AMER3: variants seen among roughly 807,000 people sequenced by gnomAD.
AMER3 encodes APC membrane recruitment protein 3, also known as family with sequence similarity 123C.
For synonymous variants in AMER3, 541 were observed against 485.5 expected, an observed-to-expected ratio of 1.11 and a Z score of -1.50; for missense variants, 1,201 against 1,139.4, an observed-to-expected ratio of 1.05 and a Z score of -0.78.
rs979659922 is a variant in AMER3, at chr2:130,762,233, A to G, written c.161A>G (p.Gln54Arg). ...QQRPHSEKGP[Q>R]ASPSAQEYDR... ...AGGCCCCACAGTGAGAAGGGCCCCC[A>G]AGCCAGCCCCAGTGCCCAAGAATAC... is the stretch of plus-strand genomic sequence containing the variant. Residue 54 changes from glutamine to arginine, a missense_variant, in exon 2 of 2, where the codon CAA (glutamine) becomes CGA (arginine). Gln to Arg is a conservative substitution (Grantham distance 43, BLOSUM62 1). Coordinates refer to ENST00000321420, the MANE Select transcript of AMER3 (RefSeq NM_152698.3). 3.2e-6 allele frequency: 5 copies of G among 1,579,430 alleles called. No homozygotes were observed. The African/African-American group carries it at 6.7e-5, about 21-fold the overall frequency.
In AMER3 at chr2:130,764,800, T is replaced by C; in HGVS notation, c.*142T>C. 9.4e-7 allele frequency: 1 copy of C among 1,059,278 alleles called. No individual in the cohort carries two copies. The allele number at this position is 1,059,278 out of a possible 1,614,324, so 65.6% of individuals were successfully genotyped here. A position where few individuals can be genotyped will look rare whatever the true frequency, so the allele number is the denominator to read the frequency against. ...TGGCAGGACTCAGGCATGCAGAGGGTAGCATGTTCATGTGGAGGCATCCTT... is the reference window on the plus strand; with the variant it reads ...TGGCAGGACTCAGGCATGCAGAGGGCAGCATGTTCATGTGGAGGCATCCTT... On this transcript the variant is annotated 3_prime_UTR_variant, in exon 2 of 2. Transcript: ENST00000321420.
rs776718013 is a variant in AMER3, at chr2:130,763,768, C to G, written c.1696C>G (p.Gln566Glu). The change falls in exon 2 of 2, where the codon CAG becomes GAG. Residue 566 changes from glutamine to glutamate, a missense_variant. Transcript: ENST00000321420. ...GACAGTTTGCTCAGCACCCAGCAGGCAGGAGCTGTGGGCACACCCGGGCAC... is the reference window on the plus strand; with the variant it reads ...GACAGTTTGCTCAGCACCCAGCAGGGAGGAGCTGTGGGCACACCCGGGCAC... ...GATVCSAPSR[Q>E]ELWAHPGTTG... The G allele has an allele frequency of 1.4e-5, 23 of 1,601,236 alleles. No individual in the cohort carries two copies. In the South Asian group the frequency reaches 2.6e-4, roughly 18 times the overall value.
intron 1 of AMER3, chr2:130,756,149 T>A (rs1194944248): frequency 6.8e-6 from 1 of 147,876 alleles, no homozygotes; most frequent in South Asian, 2.1e-4. Context: ...TCGCCACCCC[T>A]GCGCGCCAGC....
chr2:130,757,255 AT>A (rs545236534), intron 1 of AMER3, among the ~76,000 whole-genome samples: 1 of 152,298 alleles, frequency 6.6e-6, no homozygotes, highest in South Asian at 2.1e-4. Context: ...GAATAACTTC[AT>A]TTGCCCAATT....
Position 130,765,015 on chromosome 2 carries a change from A to C in AMER3, c.*357A>C, listed in dbSNP as rs1558970296. The stretch of plus-strand genomic sequence containing the variant: ...CTGGGATGTGTGTGAATCCCAAAAG[A>C]CGCAATCCCAAATGCCATAGTCCCA... On this transcript the variant is annotated 3_prime_UTR_variant, in exon 2 of 2. Coordinates refer to ENST00000321420, the MANE Select transcript of AMER3 (RefSeq NM_152698.3). The C allele has an allele frequency of 4.7e-6, 1 of 212,610 alleles. No individual in the cohort carries two copies. The highest frequency in any genetic ancestry group is 1.6e-4 in the South Asian group (1 of 6,134). The allele number at this position is 212,610 out of a possible 1,614,324, so 13.2% of individuals were successfully genotyped here.
chr2:130,763,736 G>T lies in AMER3; in HGVS notation c.1664G>T (p.Gly555Val), dbSNP rs758629744. 6 of 1,582,778 alleles carry T rather than the reference G, an allele frequency of 3.8e-6. No individual in the cohort carries two copies. Among genetic ancestry groups the T allele is most frequent in the South Asian group, 3.4e-5 (3 of 87,140 alleles). The change falls in exon 2 of 2, where the codon GGG becomes GTG. Residue 555 changes from glycine (G) to valine (V), a missense_variant. Coordinates refer to ENST00000321420, the MANE Select transcript of AMER3 (RefSeq NM_152698.3). Reference protein sequence around the residue: ...GGREGLASDAGGATVCSAPSR... With the variant: ...GGREGLASDAVGATVCSAPSR... ...AGGGAGGGCCTGGCCTCAGATGCAG[G>T]GGGGGCGACAGTTTGCTCAGCACCC...
In AMER3 at chr2:130,763,025, G is replaced by A. The variant is rs200015684; in HGVS notation, c.953G>A (p.Arg318His). The A allele has an allele frequency of 1.0e-4, 167 of 1,613,364 alleles. No individual in the cohort carries two copies. The highest frequency in any genetic ancestry group is 9.8e-4 in the East Asian group (44 of 44,856). The change falls in exon 2 of 2, where the codon CGT becomes CAT. Residue 318 changes from arginine to histidine, a missense_variant. By Grantham distance (29) the Arg-to-His change is conservative. Coordinates refer to ENST00000321420, the MANE Select transcript of AMER3 (RefSeq NM_152698.3). Reference protein sequence around the residue: ...RFWDSVNRSVRQQQRALLGPW... With the variant: ...RFWDSVNRSVHQQQRALLGPW... ...TGGGACAGTGTGAATCGCTCAGTGC[G>A]TCAGCAGCAGCGTGCCCTCCTAGGC...
Position 130,763,377 on chromosome 2 carries a change from C to T in AMER3, c.1305C>T (p.Gly435=), listed in dbSNP as rs777127022. Residue 435 remains glycine, a synonymous_variant, in exon 2 of 2, where the codon GGC becomes GGT. Coordinates refer to ENST00000321420, the MANE Select transcript of AMER3 (RefSeq NM_152698.3). ...LFHDPSEGPL[G]PSPDDDLCVS... ...ACGACCCCAGCGAGGGTCCTCTTGG[C>T]CCCAGCCCAGATGATGACCTGTGCG... The T allele has an allele frequency of 6.2e-7, 1 of 1,613,158 alleles. No individual in the cohort carries two copies. Among genetic ancestry groups the T allele is most frequent in the Non-Finnish European group, 8.5e-7 (1 of 1,180,010 alleles).
chr2:130,756,537 G>GGC (rs1485856326), intron 1 of AMER3, among the ~76,000 whole-genome samples: 1 of 152,136 alleles, frequency 6.6e-6, no homozygotes, highest in East Asian at 1.9e-4. Context: ...AGCGGTTCCC[G>GGC]GCGCAGTCAG....
chr2:130,759,510 A>G (rs1678714351), intron 1 of AMER3, among the ~76,000 whole-genome samples: 1 of 152,262 alleles, frequency 6.6e-6, no homozygotes, highest in South Asian at 2.1e-4. Context: ...CAAAACATAG[A>G]AAAGAATAAG....
Position 130,762,160 on chromosome 2 carries a change from G to C in AMER3, c.88G>C (p.Ala30Pro), listed in dbSNP as rs1678799386. 6.2e-7 allele frequency: 1 copy of C among 1,606,596 alleles called. No individual in the cohort carries two copies. Among genetic ancestry groups the C allele is most frequent in the Non-Finnish European group, 8.5e-7 (1 of 1,176,756 alleles). Residue 30 changes from alanine (A) to proline (P), a missense_variant, in exon 2 of 2, where the codon GCC becomes CCC. Physicochemically the swap from Ala to Pro is conservative, Grantham distance 27. Coordinates refer to ENST00000321420, the MANE Select transcript of AMER3 (RefSeq NM_152698.3). ...KPPDPAAVAA[A>P]REGTGPWSVL... The stretch of plus-strand genomic sequence containing the variant: ...CCCAGACCCAGCAGCCGTGGCTGCA[G>C]CCAGGGAGGGGACAGGCCCCTGGTC...
chr2:130,763,678 G>A lies in AMER3; in HGVS notation c.1606G>A (p.Ala536Thr). Reference sequence around the variant, plus strand: ...TGCAGCTCCACCTGGTTCCCAGGGAGCCCCTAGGGCACCCACAGAGAAGCT... The same window carrying A: ...TGCAGCTCCACCTGGTTCCCAGGGAACCCCTAGGGCACCCACAGAGAAGCT... The part of the protein sequence containing the change: ...QPAAPPGSQG[A>T]PRAPTEKLGG... The change falls in exon 2 of 2, where the codon GCC becomes ACC. Residue 536 changes from alanine (A) to threonine (T), a missense_variant. Coordinates refer to ENST00000321420, the MANE Select transcript of AMER3 (RefSeq NM_152698.3). 1 of 1,527,654 alleles carries A rather than the reference G, an allele frequency of 6.5e-7. No individual in the cohort carries two copies. The highest frequency in any genetic ancestry group is 2.2e-5 in the Admixed American group (1 of 45,818). The allele number at this position is 1,527,654 out of a possible 1,614,324, so 94.6% of individuals were successfully genotyped here.
At position 130,763,561 on chromosome 2, in the gene AMER3, C is replaced by T. The variant is rs1473717214; in HGVS notation, c.1489C>T (p.Leu497=). The T allele has an allele frequency of 6.2e-7, 1 of 1,612,046 alleles. No homozygotes were observed. Among genetic ancestry groups the T allele is most frequent in the Non-Finnish European group, 8.5e-7 (1 of 1,179,814 alleles). ...GAAGGGCAAGGAGTGCCTGCTGAAGCTGTGTGACACTGAGCTCGCCATCAC... is the reference window on the plus strand; with the variant it reads ...GAAGGGCAAGGAGTGCCTGCTGAAGTTGTGTGACACTGAGCTCGCCATCAC... ...SWKGKECLLK[L]CDTELAITMG... is the part of the protein sequence containing the mutation. Residue 497 remains leucine, a synonymous_variant, in exon 2 of 2, where the codon CTG becomes TTG. Coordinates refer to ENST00000321420, the MANE Select transcript of AMER3 (RefSeq NM_152698.3).
At position 130,767,401 on chromosome 2, in the gene AMER3, G is replaced by A. The variant is rs146816478; in HGVS notation, c.*2743G>A. Reference sequence around the variant, plus strand: ...TCTCATGCAGAGCTCCCACCAAGAGGAGCGTGAGTTGTGCTGTCCTGGCTC... The same window carrying A: ...TCTCATGCAGAGCTCCCACCAAGAGAAGCGTGAGTTGTGCTGTCCTGGCTC... On this transcript the variant is annotated 3_prime_UTR_variant, in exon 2 of 2. Coordinates refer to ENST00000321420, the MANE Select transcript of AMER3 (RefSeq NM_152698.3). The A allele has an allele frequency of 6.0e-6, 1 of 167,080 alleles. No homozygotes were observed. Among genetic ancestry groups the A allele is most frequent in the Non-Finnish European group, 1.5e-5 (1 of 68,154 alleles). 10.3% of individuals were successfully genotyped at this position (167,080 alleles called of 1,614,324 possible).
chr2:130,762,150 C>A lies in AMER3; in HGVS notation c.78C>A (p.Ala26=), dbSNP rs769354675. 2 of 1,608,636 alleles carry A rather than the reference C, an allele frequency of 1.2e-6. No individual in the cohort carries two copies. The highest frequency in any genetic ancestry group is 1.3e-5 in the African/African-American group (1 of 74,994). ...ACGAGAAACCCCCAGACCCAGCAGC[C>A]GTGGCTGCAGCCAGGGAGGGGACAG... The part of the protein sequence containing the change: ...VSHEKPPDPA[A]VAAAREGTGP... Residue 26 remains alanine, a synonymous_variant, in exon 2 of 2, where the codon GCC becomes GCA. Transcript: ENST00000321420.
Position 130,762,870 on chromosome 2 carries a change from C to G in AMER3, c.798C>G (p.Asn266Lys), listed in dbSNP as rs200772975. The G allele has an allele frequency of 1.2e-6, 2 of 1,613,290 alleles. No homozygotes were observed. The highest frequency in any genetic ancestry group is 2.2e-5 in the East Asian group (1 of 44,868). Reference protein sequence around the residue: ...DESSVPSLELNEGPESPTQAA... With the variant: ...DESSVPSLELKEGPESPTQAA... ...GCTCGGTGCCATCTCTGGAGCTGAA[C>G]GAGGGCCCGGAGAGCCCAACCCAGG... The change falls in exon 2 of 2, where the codon AAC becomes AAG. Residue 266 changes from asparagine to lysine, a missense_variant. Physicochemically the swap from Asn to Lys is moderately conservative, Grantham distance 94. Transcript: ENST00000321420.
At chr2:130,761,991 G>T (rs1410376681) in intron 1 of AMER3, 63 bp from the exon 2 acceptor site, 6 of 1,453,236 alleles carry the variant, frequency 4.1e-6, no homozygotes, top group Admixed American at 2.2e-5. Context: ...GGGTAGGCAG[G>T]GTCTTCCAGA....
intron 1 of AMER3, among the ~76,000 whole-genome samples, chr2:130,756,978 C>T (rs1213203484): frequency 2.0e-5 from 3 of 152,124 alleles, no homozygotes; most frequent in East Asian, 1.9e-4. Context: ...TCACCATACA[C>T]TCCTTTGTAT....
chr2:130,763,889 G>C lies in AMER3; in HGVS notation c.1817G>C (p.Arg606Pro). 6.2e-7 allele frequency: 1 copy of C among 1,613,586 alleles called. No homozygotes were observed. Among genetic ancestry groups the C allele is most frequent in the African/African-American group, 1.3e-5 (1 of 75,068 alleles). Residue 606 changes from arginine (R) to proline (P), a missense_variant, in exon 2 of 2, where the codon CGA (arginine) becomes CCA (proline). Transcript: ENST00000321420. ...SRDASREEET[R>P]GHSEGLFSSM... ...GATGCCTCTCGAGAGGAAGAGACAC[G>C]AGGTCACTCTGAAGGCTTGTTCTCC...
Sources: allele counts gnomAD v4.1 joint callset (sites outside exome capture counted in the v4.1 genomes callset), GRCh38; gene constraint gnomAD v4.1.1; transcripts MANE v1.5; gene names NCBI Gene and HGNC (gene_info 2026-07-23, HGNC 2026-07-21).